Variants in NCOA1 observed in about 807,000 individuals in gnomAD.
NCOA1 encodes the protein Hin-2 protein.
Under a neutral mutation model 150.9 loss-of-function variants are expected in NCOA1, and 35 were observed. The observed-to-expected ratio is 0.23, with a 90% CI of 0.18 to 0.31. The LOEUF is 0.31. Ranked by LOEUF, NCOA1 falls within the 10% of genes least tolerant of loss-of-function variation. The pLI is 1.00. For synonymous variants in NCOA1, 590 were observed against 630.0 expected (o/e 0.94, Z 0.95); for missense variants, 1,491 against 1,749.3 (o/e 0.85, Z 2.63).
chr2:24,759,808 A>G (rs1038399898), intron 21 of NCOA1, among the ~76,000 whole-genome samples: 4 of 152,074 alleles, frequency 2.6e-5, no homozygotes, highest in African/African-American at 4.8e-5. Flanking sequence ...ATAGAGGTAT[A>G]TATAATGTAT....
At chr2:24,569,552 ATTTTTTTTTT>A (rs200639064) in intron 2 of NCOA1, among the ~76,000 whole-genome samples, 91 of 93,800 alleles carry the variant, frequency 9.7e-4, no homozygotes, top group South Asian at 4.7e-3. Context: ...GGTTTTATTA[ATTTTTTTTTT>A]TTTTTTTTTT....
chr2:24,517,025 CACA>C (rs1664230435), intron 1 of NCOA1, among the ~76,000 whole-genome samples: 1 of 66,754 alleles, frequency 1.5e-5, no homozygotes. Flanking sequence ...CACACACACA[CACA>C]CCCCATTTTG....
At chr2:24,498,564 T>A (rs184716910) in intron 1 of NCOA1, among the ~76,000 whole-genome samples, 34 of 152,272 alleles carry the variant, frequency 2.2e-4, no homozygotes, top group Middle Eastern at 3.4e-3. Flanking sequence ...GGGCAGGGGA[T>A]GATTTCTTTA....
rs148560532 is a variant in NCOA1 at position 24,572,020 on chromosome 2, C to T, written c.-260+7590C>T. Among the ~76,000 whole-genome samples the T allele has an allele frequency of 1.8e-4, 28 of 152,204 alleles. No homozygotes were observed. In the East Asian group the frequency reaches 5.2e-3, roughly 28 times the overall value. ...ACTCCTACACGTTAGGTAATTACCC[C>T]CTGCTTGACTTTACATAGATTACAT... On this transcript the variant is annotated intron_variant, in intron 2 of 22. Coordinates refer to ENST00000348332, the MANE Select transcript of NCOA1 (RefSeq NM_003743.5).
chr2:24,757,239 A>C (rs1664547646), intron 20 of NCOA1, among the ~76,000 whole-genome samples: 1 of 152,192 alleles, frequency 6.6e-6, no homozygotes, highest in African/African-American at 2.4e-5. Context: ...TGGGAGTCTC[A>C]ATTGCCAGTG....
At chr2:24,556,780 A>G (rs2148240448) in intron 1 of NCOA1, among the ~76,000 whole-genome samples, 1 of 152,276 alleles carries the variant, frequency 6.6e-6, no homozygotes, top group East Asian at 1.9e-4. Context: ...GCTGTTGGTC[A>G]GAATGTGCAT....
At chr2:24,722,174 C>T (rs2082665846) in intron 14 of NCOA1, among the ~76,000 whole-genome samples, 1 of 152,144 alleles carries the variant, frequency 6.6e-6, no homozygotes, top group Non-Finnish European at 1.5e-5. Flanking sequence ...GGATTTAAAT[C>T]TCAATCCACC....
intron 3 of NCOA1, among the ~76,000 whole-genome samples, chr2:24,603,164 C>T (rs1668205610): frequency 7.1e-6 from 1 of 141,602 alleles, no homozygotes. Context: ...ATCAAGTGTG[C>T]AATAGCATTG....
intron 5 of NCOA1, 82 bp downstream of exon 5, chr2:24,658,848 C>A: frequency 7.9e-7 from 1 of 1,267,386 alleles, no homozygotes; most frequent in Non-Finnish European, 1.1e-6. Flanking sequence ...GTTTAATCTA[C>A]TCCAAGTTCA....
At chr2:24,689,831 TC>T (rs922739868) in intron 8 of NCOA1, among the ~76,000 whole-genome samples, 2 of 152,258 alleles carry the variant, frequency 1.3e-5, no homozygotes, top group Admixed American at 1.3e-4. Context: ...CATTCATTTT[TC>T]TTTTTTTCCT....
intron 22 of NCOA1, 34 bp downstream of exon 22, chr2:24,762,810 A>C (rs773167830): frequency 2.6e-6 from 4 of 1,562,564 alleles, no homozygotes; most frequent in Non-Finnish European, 2.6e-6. Context: ...AGAGCTGTCA[A>C]ATGTACTCTA....
intron 1 of NCOA1, among the ~76,000 whole-genome samples, chr2:24,533,076 A>G (rs1487719250): frequency 1.3e-5 from 2 of 152,162 alleles, no homozygotes; most frequent in Admixed American, 6.6e-5. Flanking sequence ...GATTCTTCCT[A>G]TCCATGAGCA....
At chr2:24,690,264 T>A (rs1247769126) in intron 8 of NCOA1, among the ~76,000 whole-genome samples, 1 of 152,146 alleles carries the variant, frequency 6.6e-6, no homozygotes, top group African/African-American at 2.4e-5. Context: ...TAGGTTTGTT[T>A]CCATGATTTC....
At chr2:24,612,209 T>A (rs1668662167) in intron 3 of NCOA1, among the ~76,000 whole-genome samples, 1 of 152,326 alleles carries the variant, frequency 6.6e-6, no homozygotes, top group Admixed American at 6.5e-5. Flanking sequence ...TTGGTTGGAA[T>A]TACTTTAAGA....
At chr2:24,655,567 T>C (rs540066589) in intron 4 of NCOA1, among the ~76,000 whole-genome samples, 1 of 152,248 alleles carries the variant, frequency 6.6e-6, no homozygotes, top group South Asian at 2.1e-4. Context: ...CCTATGGGCA[T>C]TGAGGATTTA....
intron 19 of NCOA1, among the ~76,000 whole-genome samples, chr2:24,746,990 G>A (rs1425834094): frequency 2.0e-5 from 3 of 152,008 alleles, no homozygotes; most frequent in Non-Finnish European, 4.4e-5. Flanking sequence ...TCTAAAGTTA[G>A]GAAATCTCAG....
At chr2:24,598,263 T>C (rs1056023861) in intron 3 of NCOA1, among the ~76,000 whole-genome samples, 4 of 152,144 alleles carry the variant, frequency 2.6e-5, no homozygotes, top group African/African-American at 9.7e-5. Context: ...TTAATTTCAG[T>C]GGGAAGATTC....
intron 3 of NCOA1, among the ~76,000 whole-genome samples, chr2:24,592,811 G>A (rs1475628145): frequency 6.6e-6 from 1 of 151,972 alleles, no homozygotes; most frequent in Non-Finnish European, 1.5e-5. Context: ...TCCCACTGAA[G>A]TAGACATTTT....
At chr2:24,662,430 A>T (rs1572558137) in intron 5 of NCOA1, among the ~76,000 whole-genome samples, 9 of 152,196 alleles carry the variant, frequency 5.9e-5, no homozygotes, top group Admixed American at 5.2e-4. Flanking sequence ...CATTTGCATG[A>T]TGTTTTAAGG....
Sources: gnomAD v4.1 joint callset for allele counts (sites outside exome capture counted in the v4.1 genomes callset) on GRCh38, gnomAD v4.1.1 for gene constraint, MANE v1.5 for transcripts, NCBI Gene and HGNC (gene_info 2026-07-23, HGNC 2026-07-21) for gene names.